Variants in PYHIN1 observed in about 807,000 individuals in gnomAD.
PYHIN1 encodes pyrin and HIN domain-containing protein 1.
A neutral mutation model predicts 43.7 loss-of-function variants in PYHIN1; 32 were observed. The ratio of observed to expected loss-of-function variants is 0.73; its 90% CI spans 0.55 to 0.98. The LOEUF is 0.98. PYHIN1 is among the 50% of genes least tolerant of loss of function. PYHIN1 has a pLI of 0.00. For missense variants in PYHIN1, 588 were observed against 589.5 expected (o/e 1.00, Z 0.03); for synonymous variants, 205 against 203.1 (o/e 1.01, Z -0.08).
the PYHIN1 span, among the ~76,000 whole-genome samples, chr1:158,988,656 A>G: frequency 6.6e-6 from 1 of 152,182 alleles, no homozygotes; most frequent in African/African-American, 2.4e-5. Context: ...TAGACTCTGT[A>G]AGTGATGAAC....
At chr1:158,967,619 T>C (rs1650699207) in intron 7 of PYHIN1, among the ~76,000 whole-genome samples, 1 of 151,862 alleles carries the variant, frequency 6.6e-6, no homozygotes, top group South Asian at 2.1e-4. Flanking sequence ...AAACCAAAAA[T>C]GAACTTGAAT....
At chr1:158,972,961 G>C (rs933164358) in intron 7 of PYHIN1, among the ~76,000 whole-genome samples, 7 of 152,094 alleles carry the variant, frequency 4.6e-5, no homozygotes, top group Admixed American at 2.6e-4. Flanking sequence ...GTTTATATCT[G>C]TGTGTATGAA....
chr1:158,956,274 A>G (rs1216568230), intron 7 of PYHIN1, among the ~76,000 whole-genome samples: 2 of 152,080 alleles, frequency 1.3e-5, no homozygotes, highest in African/African-American at 4.8e-5. Flanking sequence ...TCATTCTGAT[A>G]CCAAAGCCTG....
chr1:158,968,215 C>A (rs748790346), intron 7 of PYHIN1, among the ~76,000 whole-genome samples: 10 of 151,790 alleles, frequency 6.6e-5, no homozygotes, highest in Non-Finnish European at 1.3e-4. Flanking sequence ...GATCTGTTAT[C>A]CAGAATCTAT....
chr1:158,989,695 C>A, the PYHIN1 span, among the ~76,000 whole-genome samples: 1 of 152,042 alleles, frequency 6.6e-6, no homozygotes. Context: ...ATAAGTCAAC[C>A]CTGCTGACCT....
intron 7 of PYHIN1, among the ~76,000 whole-genome samples, chr1:158,955,227 G>C (rs1251558551): frequency 1.3e-5 from 2 of 152,098 alleles, no homozygotes; most frequent in African/African-American, 4.8e-5. Context: ...CCCAGGAATT[G>C]AACTCAGCTC....
In PYHIN1 at chr1:158,942,373, G is replaced by A; in HGVS notation, c.976G>A (p.Val326Ile). ...ILHKQTSGYI[V>I]YGLFMLHTKI... is the part of the protein sequence containing the mutation. ...TCACAAACAAACTTCAGGATATATT[G>A]TATATGGATTATTTATGCTACATAC... is the stretch of plus-strand genomic sequence containing the variant. The change falls in exon 5 of 9, where the codon GTA becomes ATA. Residue 326 changes from valine (V) to isoleucine (I), a missense_variant. Coordinates refer to ENST00000368140, the MANE Select transcript of PYHIN1 (RefSeq NM_152501.5). The A allele has an allele frequency of 6.2e-7, 1 of 1,603,804 alleles. No homozygotes were observed.
Position 158,942,167 on chromosome 1 carries a change from T to C in PYHIN1, c.770T>C (p.Ile257Thr), listed in dbSNP as rs376553290. ...TQFFHVKVLN[I>T]NLKRKFIKKR... ...TTCTTTCATGTGAAGGTTTTAAACATCAACTTGAAGAGGAAATTCATTAAA... is the reference window on the plus strand; with the variant it reads ...TTCTTTCATGTGAAGGTTTTAAACACCAACTTGAAGAGGAAATTCATTAAA... Residue 257 changes from isoleucine to threonine, a missense_variant, in exon 5 of 9, where the codon ATC becomes ACC. By Grantham distance (89) the Ile-to-Thr change is moderately conservative. Coordinates refer to ENST00000368140, the MANE Select transcript of PYHIN1 (RefSeq NM_152501.5). 32 of 1,613,962 alleles carry C rather than the reference T, an allele frequency of 2.0e-5. No individual in the cohort carries two copies. Among genetic ancestry groups the C allele is most frequent in the Non-Finnish European group, 2.5e-5 (30 of 1,179,990 alleles).
the PYHIN1 span, among the ~76,000 whole-genome samples, chr1:158,982,593 T>C: frequency 1.3e-5 from 2 of 152,174 alleles, no homozygotes; most frequent in African/African-American, 4.8e-5. Flanking sequence ...AGCTTTGTGG[T>C]TTCTGCATAG....
At position 158,939,485 on chromosome 1, in the gene PYHIN1, G is replaced by A. The variant is rs183722592; in HGVS notation, c.579+238G>A. ...GTTTGGGGAAGAGACAGAGAACTGC[G>A]GAATCTGGAACTTTCAGCAACAGAC... On this transcript the variant is annotated intron_variant, in intron 4 of 8. Transcript: ENST00000368140. 125 of 1,550,956 alleles carry A rather than the reference G, an allele frequency of 8.1e-5. 1 individual carries two copies. In the East Asian group the frequency reaches 2.1e-3, roughly 25 times the overall value.
the PYHIN1 span, among the ~76,000 whole-genome samples, chr1:158,984,028 G>GTTTTTTTTTTT: frequency 4.5e-5 from 5 of 111,208 alleles, no homozygotes; most frequent in African/African-American, 1.1e-4. Flanking sequence ...ATCTTCTCCT[G>GTTTTTTTTTTT]TTTTTTTTTT....
chr1:158,933,511 AT>A lies in PYHIN1; in HGVS notation c.-21+1743del, dbSNP rs910237376. On this transcript the variant is annotated intron_variant, in intron 1 of 8. Coordinates refer to ENST00000368140, the MANE Select transcript of PYHIN1 (RefSeq NM_152501.5). This position sits in a 1 kb window ranked among gnomAD's most constrained non-coding sequence, Gnocchi z 6.3. ...AGTTTCTCCTTGCATGATAATTTAA[AT>A]TTTTTTTCATCTTTCAGTGATCTTT... Among the ~76,000 whole-genome samples, 3 of 151,918 alleles carry A rather than the reference AT, an allele frequency of 2.0e-5. No individual in the cohort carries two copies. The highest frequency in any genetic ancestry group is 1.9e-4 in the East Asian group (1 of 5,184).
downstream of PYHIN1, among the ~76,000 whole-genome samples, chr1:158,978,209 T>G (rs856130): frequency 0.92 from 139,347 of 151,820 alleles, 65,165 homozygotes; most frequent in East Asian, 1. Context: ...CATGAATAAG[T>G]TTTTTCAGAC....
chr1:158,932,727 T>C (rs901483266), intron 1 of PYHIN1, among the ~76,000 whole-genome samples: 2 of 152,216 alleles, frequency 1.3e-5, no homozygotes, highest in Non-Finnish European at 2.9e-5. Context: ...ATAAGTATGT[T>C]TAACTTTTAC....
At chr1:158,957,489 A>G (rs1262373237) in intron 7 of PYHIN1, among the ~76,000 whole-genome samples, 1 of 151,386 alleles carries the variant, frequency 6.6e-6, no homozygotes, top group Non-Finnish European at 1.5e-5. Flanking sequence ...AACCTGAGAA[A>G]AACAAGCAAT....
Position 158,933,091 on chromosome 1 carries a change from CTATTA to C in PYHIN1, c.-21+1318_-21+1322del, listed in dbSNP as rs994238939. Reference sequence around the variant, plus strand: ...ATTGGAAGATATAATATAGAACCTCCTATTATAAGACGGTATTTTCTTGTACTCCT... The same window carrying C: ...ATTGGAAGATATAATATAGAACCTCCTAAGACGGTATTTTCTTGTACTCCT... On this transcript the variant is annotated intron_variant, in intron 1 of 8. Coordinates refer to ENST00000368140, the MANE Select transcript of PYHIN1 (RefSeq NM_152501.5). This position sits in a 1 kb window ranked among gnomAD's most constrained non-coding sequence, Gnocchi z 6.3. Among the ~76,000 whole-genome samples, 47 of 151,582 alleles carry C rather than the reference CTATTA, an allele frequency of 3.1e-4. 1 individual carries two copies. The highest frequency in any genetic ancestry group is 1.1e-3 in the African/African-American group (45 of 41,298).
chr1:158,964,049 T>C (rs1650479882), intron 7 of PYHIN1, among the ~76,000 whole-genome samples: 1 of 151,990 alleles, frequency 6.6e-6, no homozygotes, highest in Non-Finnish European at 1.5e-5. Flanking sequence ...ACCAAACTGA[T>C]CTGATAAAGC....
Position 158,976,826 on chromosome 1 carries a change from A to C in PYHIN1, c.*131A>C. ...AATGATGTTTATGAAGATAAGATCA[A>C]AGCACAGAAAATAATATATGTATAT... On this transcript the variant is annotated 3_prime_UTR_variant, in exon 9 of 9. Transcript: ENST00000368140. 3.1e-6 allele frequency: 2 copies of C among 645,376 alleles called. No homozygotes were observed. The highest frequency in any genetic ancestry group is 2.2e-5 in the African/African-American group (1 of 44,718). The allele number at this position is 645,376 out of a possible 1,614,324, so 40.0% of individuals were successfully genotyped here.
At chr1:158,945,945 G>T (rs1649198351) in intron 7 of PYHIN1, among the ~76,000 whole-genome samples, 1 of 152,078 alleles carries the variant, frequency 6.6e-6, no homozygotes, top group Admixed American at 6.6e-5. Flanking sequence ...TAAAAAAAAA[G>T]TCTTCCTCAA....
Sources: allele counts gnomAD v4.1 joint callset (sites outside exome capture counted in the v4.1 genomes callset), GRCh38; gene constraint gnomAD v4.1.1; non-coding constraint Gnocchi (gnomAD v3.1); transcripts MANE v1.5; gene names NCBI Gene and HGNC (gene_info 2026-07-23, HGNC 2026-07-21).